RGPD1: variants seen among roughly 807,000 people sequenced by gnomAD.
RGPD1 encodes the protein RANBP2 like and GRIP domain containing 1.
Under a neutral mutation model 40.6 loss-of-function variants are expected in RGPD1, and 7 were observed. The observed-to-expected ratio is 0.17, with a 90% CI of 0.10 to 0.32. The LOEUF is 0.32. Among genes scored for constraint, RGPD1 ranks in the 10% least tolerant of loss-of-function variants. The pLI is 1.00. For synonymous variants in RGPD1, 24 were observed against 167.0 expected (o/e 0.14, Z 6.60); for missense variants, 50 against 472.5 (o/e 0.11, Z 8.29).
At chr2:86,919,692 C>T (rs541477201) in intron 1 of RGPD1, among the ~76,000 whole-genome samples, 366 of 111,838 alleles carry the variant, frequency 3.3e-3, no homozygotes, top group African/African-American at 0.016. Context: ...GCTGCCTGTC[C>T]TGTCTCTCTC....
rs1241074476 is a variant in RGPD1, at chr2:86,933,298, A to AT, written c.73-17994dup. ...AGATTTTCTCATAGAAGATTCATGG[A>AT]TTTTGAGTCTCAGAAAAAAAAGGAA... is the stretch of plus-strand genomic sequence containing the variant. On this transcript the variant is annotated intron_variant, in intron 1 of 22. Transcript: ENST00000398193. Among the ~76,000 whole-genome samples the AT allele has an allele frequency of 2.0e-5, 3 of 150,072 alleles. No homozygotes were observed. In the Admixed American group the frequency reaches 2.0e-4, roughly 10 times the overall value.
At chr2:86,936,010 ATT>A (rs1204179315) in intron 1 of RGPD1, among the ~76,000 whole-genome samples, 1 of 110,306 alleles carries the variant, frequency 9.1e-6, no homozygotes, top group South Asian at 3.4e-4. Flanking sequence ...TGGAAAAAAA[ATT>A]TTTTTTTTTT....
At chr2:86,931,069 TAAC>T (rs1225043844) in intron 1 of RGPD1, among the ~76,000 whole-genome samples, 34 of 116,808 alleles carry the variant, frequency 2.9e-4, no homozygotes, top group East Asian at 4.8e-4. Flanking sequence ...GATCATGAGA[TAAC>T]AACAAGGGAG....
chr2:86,943,273 G>GCCC (rs1205312059), intron 1 of RGPD1, among the ~76,000 whole-genome samples: 4 of 74,678 alleles, frequency 5.4e-5, no homozygotes, highest in Non-Finnish European at 7.8e-5. Flanking sequence ...CACCTCCCTC[G>GCCC]CCCCCCCCCC....
chr2:86,942,008 G>A (rs572286236), upstream of RGPD1, among the ~76,000 whole-genome samples: 591 of 151,854 alleles, frequency 3.9e-3, 5 homozygotes, highest in African/African-American at 0.014. Flanking sequence ...CACGGCGCCC[G>A]GCGGGCAAGA....
At chr2:86,960,409 T>G (rs1680892958) in intron 6 of RGPD1, among the ~76,000 whole-genome samples, 1 of 70,272 alleles carries the variant, frequency 1.4e-5, no homozygotes, top group Non-Finnish European at 2.5e-5. Context: ...GTATTTTTAG[T>G]AGAGACGGAG....
chr2:86,930,195 G>A, intron 1 of RGPD1: 4 of 1,450,226 alleles, frequency 2.8e-6, no homozygotes, highest in Non-Finnish European at 3.8e-6. Context: ...GATGAGGGAG[G>A]GCACTCTGGT....
intron 1 of RGPD1, among the ~76,000 whole-genome samples, chr2:86,943,316 G>C (rs992387742): frequency 1.8e-5 from 2 of 113,868 alleles, no homozygotes; most frequent in Non-Finnish European, 3.3e-5. Context: ...AGCTGCCTTT[G>C]CTTAAAAAAA....
intron 1 of RGPD1, among the ~76,000 whole-genome samples, chr2:86,931,978 ATAT>A (rs1382751885): frequency 1.1e-3 from 166 of 148,532 alleles, no homozygotes; most frequent in African/African-American, 3.8e-3. Context: ...TTTATATATA[ATAT>A]TCATATTATA....
At chr2:86,926,610 G>GC (rs1177338447) in intron 1 of RGPD1, among the ~76,000 whole-genome samples, 1 of 150,910 alleles carries the variant, frequency 6.6e-6, no homozygotes, top group Non-Finnish European at 1.5e-5. Context: ...GTGGTTTATG[G>GC]CCCCCCATAT....
At chr2:87,007,190 TTTGTTGTTG>T (rs201108203) in intron 22 of RGPD1, among the ~76,000 whole-genome samples, 6 of 70,228 alleles carry the variant, frequency 8.5e-5, no homozygotes, top group Admixed American at 1.7e-4. Context: ...TTAATTTGTT[TTTGTTGTTG>T]TTGTTGTTGT....
chr2:86,925,807 C>T (rs1260715976), intron 1 of RGPD1, among the ~76,000 whole-genome samples: 1 of 152,088 alleles, frequency 6.6e-6, no homozygotes, highest in Non-Finnish European at 1.5e-5. Flanking sequence ...TGGGCTCCAG[C>T]CATCCTCCCA....
intron 1 of RGPD1, chr2:86,934,797 G>A (rs1345690611): frequency 6.5e-6 from 1 of 153,708 alleles, no homozygotes; most frequent in Non-Finnish European, 1.4e-5. Context: ...GGCCAGGGGT[G>A]AAGGAGTATA....
At chr2:86,942,749 C>G (rs572347135) in intron 1 of RGPD1, among the ~76,000 whole-genome samples, 1 of 150,890 alleles carries the variant, frequency 6.6e-6, no homozygotes, top group Non-Finnish European at 1.5e-5. Flanking sequence ...TGGCTCCTGA[C>G]GGGCGCTGCT....
intron 1 of RGPD1, among the ~76,000 whole-genome samples, chr2:86,928,780 A>G (rs1558788752): frequency 6.6e-6 from 1 of 152,240 alleles, no homozygotes; most frequent in Non-Finnish European, 1.5e-5. Context: ...AGAGTTGGAT[A>G]TAAATATCTG....
Position 86,933,252 on chromosome 2 carries a change from CAT to C in RGPD1, c.73-18043_73-18042del, listed in dbSNP as rs553930686. ...TCTGCTTTTAATTTATCTACAAAAA[CAT>C]GTGAAGAATCCCCAAATAAGATTTT... On this transcript the variant is annotated intron_variant, in intron 1 of 22. Transcript: ENST00000398193. Among the ~76,000 whole-genome samples the C allele has an allele frequency of 2.4e-3, 363 of 149,956 alleles. 9 individuals are homozygous for C. The highest frequency in any genetic ancestry group is 5.4e-3 in the African/African-American group (221 of 41,100).
At chr2:86,914,461 G>C (rs1573556745) in intron 1 of RGPD1, among the ~76,000 whole-genome samples, 1 of 13,962 alleles carries the variant, frequency 7.2e-5, no homozygotes, top group Non-Finnish European at 1.2e-4. Context: ...CGGCGGCGGC[G>C]GCGGCGGCGG....
upstream of RGPD1, among the ~76,000 whole-genome samples, chr2:86,939,682 GGTGA>G (rs1340591424): frequency 7.5e-6 from 1 of 132,664 alleles, no homozygotes; most frequent in African/African-American, 2.9e-5. Flanking sequence ...ATTTTTACTA[GGTGA>G]GTGTGTTTGG....
rs1399523355 is a variant in RGPD1 at position 86,924,813 on chromosome 2, TTTTAATTTCTTTTAA to T, written c.72+10908_72+10922del. 4.3e-4 allele frequency among the ~76,000 whole-genome samples: 66 copies of T among 151,848 alleles called. No homozygotes were observed. The East Asian group carries it at 0.012, about 28-fold the overall frequency. The stretch of plus-strand genomic sequence containing the variant: ...TTTAAATTAAAATTCACATCTGTAA[TTTTAATTTCTTTTAA>T]TTTAATTTCTTTTAAATGAAAATTC... On this transcript the variant is annotated intron_variant, in intron 1 of 22. Coordinates refer to the RGPD1 transcript ENST00000398193.
Sources: gnomAD v4.1 joint callset for allele counts (sites outside exome capture counted in the v4.1 genomes callset) on GRCh38, gnomAD v4.1.1 for gene constraint, MANE v1.5 for transcripts, NCBI Gene and HGNC (gene_info 2026-07-23, HGNC 2026-07-21) for gene names.